The following KATNAL1 variants were observed in gnomAD, a reference collection of about 807,000 sequenced individuals.
KATNAL1 encodes the protein katanin p60 ATPase-containing subunit A-like 1.
In KATNAL1, 32 loss-of-function variants were observed where a neutral mutation model predicts 55.2. The observed-to-expected ratio is 0.58, with a 90% CI of 0.44 to 0.78. The LOEUF (loss-of-function observed/expected upper bound fraction) is 0.78, where lower values mean the gene tolerates loss of function less well. Among genes scored for constraint, KATNAL1 ranks in the 30% least tolerant of loss-of-function variants. The pLI is 0.00. For missense variants in KATNAL1, 466 were observed against 600.9 expected (o/e 0.78, Z 2.35); for synonymous variants, 193 against 193.6 (o/e 1.00, Z 0.02).
intron 7 of KATNAL1, 105 bp from the exon 8 acceptor site, chr13:30,230,699 A>C: frequency 3.6e-6 from 3 of 821,958 alleles, no homozygotes; most frequent in Non-Finnish European, 5.6e-6. Flanking sequence ...GAAACTTCTC[A>C]CTGTTTTAAT....
At chr13:30,254,162 G>A (rs1840280935) in intron 4 of KATNAL1, among the ~76,000 whole-genome samples, 1 of 152,136 alleles carries the variant, frequency 6.6e-6, no homozygotes, top group Non-Finnish European at 1.5e-5. Flanking sequence ...ATTTCAGCCG[G>A]TACTGTATTC....
At chr13:30,215,940 A>T (rs182726682) in intron 9 of KATNAL1, among the ~76,000 whole-genome samples, 209 of 149,332 alleles carry the variant, frequency 1.4e-3, no homozygotes, top group Non-Finnish European at 2.3e-3. Flanking sequence ...ATAAAATTTT[A>T]AAAAAAAGAA....
intron 3 of KATNAL1, among the ~76,000 whole-genome samples, chr13:30,266,012 CAAAAAAAAAAAAA>C (rs776557665): frequency 2.8e-5 from 1 of 35,360 alleles, no homozygotes; most frequent in Non-Finnish European, 5.0e-5. Flanking sequence ...AACTCCATCT[CAAAAAAAAAAAAA>C]AAAAAAAAAA....
chr13:30,263,366 C>G (rs1439040889), intron 3 of KATNAL1, among the ~76,000 whole-genome samples: 3 of 151,696 alleles, frequency 2.0e-5, no homozygotes, highest in Admixed American at 6.6e-5. Flanking sequence ...GAAGTTCTGG[C>G]CAGGGCAATT....
At position 30,207,241 on chromosome 13, in the gene KATNAL1, T is replaced by G. The variant is rs1471751906; in HGVS notation, c.*1299A>C. On this transcript the variant is annotated 3_prime_UTR_variant, in exon 11 of 11. Coordinates refer to ENST00000380615, the MANE Select transcript of KATNAL1 (RefSeq NM_032116.5). ...CATAAAAACTAACGCCAGGATCATTTACTTGTGATTGGATATATGCCATTT... is the reference window on the plus strand; with the variant it reads ...CATAAAAACTAACGCCAGGATCATTGACTTGTGATTGGATATATGCCATTT... The G allele has an allele frequency of 6.6e-6, 1 of 152,234 alleles. No individual in the cohort carries two copies. Among genetic ancestry groups the G allele is most frequent in the Non-Finnish European group, 1.5e-5 (1 of 68,034 alleles). 9.4% of individuals were successfully genotyped at this position (152,234 alleles called of 1,614,324 possible).
At chr13:30,272,745 A>C (rs1880478833) in intron 3 of KATNAL1, among the ~76,000 whole-genome samples, 1 of 152,196 alleles carries the variant, frequency 6.6e-6, no homozygotes, top group Admixed American at 6.5e-5. Flanking sequence ...AGTTCTATAA[A>C]ATAATATAAA....
Position 30,296,371 on chromosome 13 carries a change from C to T in KATNAL1, c.-15+10960G>A, listed in dbSNP as rs1246146328. ...AGCTGGGCTGCGAAGTGCTGGGCAT[C>T]TTGGTGGACTCTCAGTTCACCCACC... On this transcript the variant is annotated intron_variant, in intron 1 of 10. Transcript: ENST00000380615. 1.6e-5 allele frequency: 18 copies of T among 1,120,150 alleles called. No individual in the cohort carries two copies. The East Asian group carries it at 4.1e-4, about 26-fold the overall frequency. 69.4% of individuals were successfully genotyped at this position (1,120,150 alleles called of 1,614,324 possible).
At chr13:30,229,264 C>G (rs903763502) in intron 8 of KATNAL1, among the ~76,000 whole-genome samples, 1 of 151,900 alleles carries the variant, frequency 6.6e-6, no homozygotes, top group African/African-American at 2.4e-5. Context: ...CCATGACTCC[C>G]CTGGTCTTGG....
At chr13:30,222,693 CA>C (rs1875001002) in intron 9 of KATNAL1, among the ~76,000 whole-genome samples, 1 of 152,108 alleles carries the variant, frequency 6.6e-6, no homozygotes, top group Non-Finnish European at 1.5e-5. Flanking sequence ...AAGAAATTAG[CA>C]AGGGGGGTAC....
intron 3 of KATNAL1, among the ~76,000 whole-genome samples, chr13:30,265,051 T>G (rs1447943040): frequency 6.6e-6 from 1 of 151,238 alleles, no homozygotes; most frequent in Admixed American, 6.6e-5. Flanking sequence ...CCATAAAAAA[T>G]GATGAGTTCA....
chr13:30,272,945 C>T (rs1244244738), intron 3 of KATNAL1, among the ~76,000 whole-genome samples: 4 of 152,170 alleles, frequency 2.6e-5, no homozygotes, highest in Non-Finnish European at 4.4e-5. Context: ...ACCTCTATAT[C>T]TGCCCACCTC....
intron 1 of KATNAL1, among the ~76,000 whole-genome samples, chr13:30,298,071 G>A (rs999530877): frequency 2.0e-5 from 3 of 152,126 alleles, no homozygotes; most frequent in Non-Finnish European, 4.4e-5. Flanking sequence ...TTTTTTAGAC[G>A]TAATGTTATT....
At chr13:30,230,711 C>A in intron 7 of KATNAL1, 117 bp from the exon 8 acceptor site, 2 of 721,960 alleles carry the variant, frequency 2.8e-6, no homozygotes, top group East Asian at 2.8e-5. Context: ...TGTTTTAATG[C>A]CATCATCTGG....
intron 9 of KATNAL1, among the ~76,000 whole-genome samples, chr13:30,214,974 G>T (rs890639523): frequency 1.3e-5 from 2 of 152,074 alleles, no homozygotes; most frequent in African/African-American, 4.8e-5. Flanking sequence ...ACTACCATCA[G>T]AGAAAAGAGG....
Position 30,280,218 on chromosome 13 carries a change from C to T in KATNAL1, c.168G>A (p.Arg56=). The T allele has an allele frequency of 6.4e-7, 1 of 1,568,848 alleles. No homozygotes were observed. Among genetic ancestry groups the T allele is most frequent in the Non-Finnish European group, 8.6e-7 (1 of 1,165,156 alleles). ...PAIKGKWQQV[R]QELLEEYEQV... is the part of the protein sequence containing the mutation. ...GTTCATATTCCTCCAATAATTCCTG[C>T]CGAACCTTAAAAAAAAAAAATAGGC... The change falls in exon 3 of 11, where the codon CGG becomes CGA. Residue 56 remains arginine, a synonymous_variant. Coordinates refer to ENST00000380615, the MANE Select transcript of KATNAL1 (RefSeq NM_032116.5).
At position 30,252,746 on chromosome 13, in the gene KATNAL1, C is replaced by A. The variant is rs901225435; in HGVS notation, c.492+2701G>T. Among the ~76,000 whole-genome samples the A allele has an allele frequency of 3.4e-4, 49 of 143,930 alleles. 1 individual carries two copies. Among genetic ancestry groups the A allele is most frequent in the South Asian group, 2.2e-3 (10 of 4,534 alleles). The allele number at this position is 143,930 out of a possible 152,430, so 94.4% of individuals were successfully genotyped here. A position where few individuals can be genotyped will look rare whatever the true frequency, so the allele number is the denominator to read the frequency against. On this transcript the variant is annotated intron_variant, in intron 4 of 10. Transcript: ENST00000380615. ...TTCCAAACAACACTAATTTTCCTTT[C>A]TTTTTTTTTTTTTTGAGACCAAGTC... is the stretch of plus-strand genomic sequence containing the variant.
At chr13:30,245,993 T>C (rs1322821867) in intron 4 of KATNAL1, among the ~76,000 whole-genome samples, 1 of 152,194 alleles carries the variant, frequency 6.6e-6, no homozygotes, top group Non-Finnish European at 1.5e-5. Flanking sequence ...ACAGATTCAA[T>C]GCTATCCCCA....
At chr13:30,294,429 C>T (rs1037684592) in intron 1 of KATNAL1, among the ~76,000 whole-genome samples, 3 of 152,200 alleles carry the variant, frequency 2.0e-5, no homozygotes, top group Non-Finnish European at 2.9e-5. Flanking sequence ...TTCCCTTAAG[C>T]CAAAGCCTAA....
intron 3 of KATNAL1, among the ~76,000 whole-genome samples, chr13:30,257,542 C>A (rs1878895581): frequency 6.6e-6 from 1 of 151,232 alleles, no homozygotes; most frequent in South Asian, 2.1e-4. Context: ...CAGCAGGTCT[C>A]AGACAACATT....
Sources: allele counts gnomAD v4.1 joint callset (sites outside exome capture counted in the v4.1 genomes callset), GRCh38; gene constraint gnomAD v4.1.1; transcripts MANE v1.5; gene names NCBI Gene and HGNC (gene_info 2026-07-23, HGNC 2026-07-21).